Variants in EPHB1 observed in about 807,000 individuals in gnomAD.
EPHB1 encodes the protein ephrin type-B receptor 1.
A neutral mutation model predicts 94.4 loss-of-function variants in EPHB1; 30 were observed. The ratio of observed to expected loss-of-function variants is 0.32; its 90% confidence interval spans 0.24 to 0.43. EPHB1 has a LOEUF of 0.43. Ranked by LOEUF, EPHB1 falls within the 20% of genes least tolerant of loss-of-function variation. The pLI, the probability that EPHB1 is intolerant of heterozygous loss-of-function variation, is 1.00. For missense variants in EPHB1, 1,055 were observed against 1,308.3 expected, an observed-to-expected ratio of 0.81 and a Z score of 2.99; for synonymous variants, 522 against 489.1, an observed-to-expected ratio of 1.07 and a Z score of -0.89.
chr3:134,913,277 G>C (rs913164207), intron 1 of EPHB1, among the ~76,000 whole-genome samples: 1 of 152,188 alleles, frequency 6.6e-6, no homozygotes, highest in Non-Finnish European at 1.5e-5. Flanking sequence ...GGTGAGGGGG[G>C]AGCTCAGAGT....
intron 5 of EPHB1, among the ~76,000 whole-genome samples, chr3:135,142,771 G>A (rs932964441): frequency 6.6e-6 from 1 of 152,110 alleles, no homozygotes; most frequent in Non-Finnish European, 1.5e-5. Context: ...AGTGGACATT[G>A]AACTCACACA....
chr3:134,926,045 A>G (rs2038785390), intron 2 of EPHB1, among the ~76,000 whole-genome samples, 165 bp downstream of exon 2: 2 of 152,336 alleles, frequency 1.3e-5, no homozygotes, highest in African/African-American at 4.8e-5. Flanking sequence ...CAGGGGTCTC[A>G]GACCTGAGCT....
intron 12 of EPHB1, among the ~76,000 whole-genome samples, chr3:135,210,274 G>A (rs1426628200): frequency 6.6e-6 from 1 of 152,150 alleles, no homozygotes; most frequent in African/African-American, 2.4e-5. Flanking sequence ...TTGATACTTA[G>A]AAAATTCTGA....
At chr3:135,042,338 T>A (rs1434507596) in intron 3 of EPHB1, among the ~76,000 whole-genome samples, 1 of 152,206 alleles carries the variant, frequency 6.6e-6, no homozygotes, top group African/African-American at 2.4e-5. Flanking sequence ...TTCTCAACAC[T>A]GTTACATTGG....
Position 135,259,318 on chromosome 3 carries a change from T to C in EPHB1, c.*198T>C. The stretch of plus-strand genomic sequence containing the variant: ...TGACAGAAGCATGTTTGAGATGCCG[T>C]GGGAAACCAAATATATAATAATAAA... On this transcript the variant is annotated 3_prime_UTR_variant, in exon 16 of 16. Coordinates refer to ENST00000398015, the MANE Select transcript of EPHB1 (RefSeq NM_004441.5). 2.2e-6 allele frequency: 1 copy of C among 448,932 alleles called. No homozygotes were observed. The highest frequency in any genetic ancestry group is 4.0e-6 in the Non-Finnish European group (1 of 251,954). The allele number at this position is 448,932 out of a possible 1,614,324, so 27.8% of individuals were successfully genotyped here.
intron 5 of EPHB1, among the ~76,000 whole-genome samples, chr3:135,137,889 C>A (rs1002269033): frequency 1.3e-5 from 2 of 152,120 alleles, no homozygotes; most frequent in African/African-American, 2.4e-5. Flanking sequence ...AGATACATAA[C>A]AGATATTGGT....
intron 10 of EPHB1, among the ~76,000 whole-genome samples, chr3:135,183,906 G>T (rs896096373): frequency 6.6e-6 from 1 of 152,326 alleles, no homozygotes; most frequent in African/African-American, 2.4e-5. Context: ...GTGGGTGAAA[G>T]GACCAAGGTT....
intron 3 of EPHB1, among the ~76,000 whole-genome samples, chr3:135,027,660 A>T (rs1038168541): frequency 2.0e-5 from 3 of 151,670 alleles, no homozygotes; most frequent in African/African-American, 7.3e-5. Flanking sequence ...CATCAAGGAT[A>T]TTGGTGATAT....
intron 2 of EPHB1, among the ~76,000 whole-genome samples, chr3:134,934,126 C>T (rs1299388542): frequency 6.6e-6 from 1 of 152,138 alleles, no homozygotes; most frequent in Non-Finnish European, 1.5e-5. Context: ...GAAACATTAG[C>T]AGGCTCAAAA....
chr3:135,134,975 C>T (rs558742832), intron 5 of EPHB1, among the ~76,000 whole-genome samples: 1 of 152,266 alleles, frequency 6.6e-6, no homozygotes, highest in South Asian at 2.1e-4. Context: ...TGCAGTGGAG[C>T]TGGGGGACCA....
In EPHB1 at chr3:134,925,850, G is replaced by A; in HGVS notation, c.93G>A (p.Glu31=). The A allele has an allele frequency of 6.2e-7, 1 of 1,605,416 alleles. No homozygotes were observed. The highest frequency in any genetic ancestry group is 8.5e-7 in the Non-Finnish European group (1 of 1,175,812). The change falls in exon 2 of 16, where the codon GAG becomes GAA. Residue 31 remains glutamate, a synonymous_variant. Coordinates refer to ENST00000398015, the MANE Select transcript of EPHB1 (RefSeq NM_004441.5). ...TLMDTRTATA[E]LGWTANPASG... is the part of the protein sequence containing the mutation. ...TGGACACCAGAACGGCTACTGCAGA[G>A]CTGGGCTGGACGGCCAATCCTGCGT...
chr3:135,178,381 A>G (rs4575924), intron 9 of EPHB1, among the ~76,000 whole-genome samples: 63,728 of 148,048 alleles, frequency 0.43, 13,972 homozygotes, highest in East Asian at 0.71. Context: ...GCTTGAACCC[A>G]GGAGGTGAAG....
At chr3:134,853,554 A>G (rs2037039127) in intron 1 of EPHB1, among the ~76,000 whole-genome samples, 1 of 152,224 alleles carries the variant, frequency 6.6e-6, no homozygotes, top group Admixed American at 6.5e-5. Context: ...AGATTTGAAG[A>G]TTACCACTTT....
At chr3:134,834,985 A>C (rs2036646488) in intron 1 of EPHB1, among the ~76,000 whole-genome samples, 2 of 152,172 alleles carry the variant, frequency 1.3e-5, no homozygotes, top group Admixed American at 1.3e-4. Flanking sequence ...ATAAAAACAA[A>C]TGCTACTTCC....
intron 4 of EPHB1, among the ~76,000 whole-genome samples, chr3:135,123,527 A>G (rs942612856): frequency 2.0e-5 from 3 of 152,130 alleles, no homozygotes; most frequent in African/African-American, 7.2e-5. Context: ...AGTCAGAGCC[A>G]TGTCCACAGG....
chr3:135,208,880 G>T (rs1942966425), intron 12 of EPHB1, among the ~76,000 whole-genome samples: 1 of 152,114 alleles, frequency 6.6e-6, no homozygotes, highest in Non-Finnish European at 1.5e-5. Flanking sequence ...AAGCAACCAG[G>T]ACTCATTAGA....
chr3:134,905,630 C>T (rs2038306786), intron 1 of EPHB1, among the ~76,000 whole-genome samples: 1 of 152,178 alleles, frequency 6.6e-6, no homozygotes, highest in South Asian at 2.1e-4. Flanking sequence ...TTTACAAGGG[C>T]CAGTCAGTGT....
chr3:134,895,859 G>C (rs984196221), intron 1 of EPHB1, among the ~76,000 whole-genome samples: 5 of 152,178 alleles, frequency 3.3e-5, no homozygotes, highest in Non-Finnish European at 7.3e-5. Context: ...ATTGAAATGA[G>C]CATGGGTCCC....
At chr3:135,045,286 G>C (rs1936968717) in intron 3 of EPHB1, among the ~76,000 whole-genome samples, 1 of 152,080 alleles carries the variant, frequency 6.6e-6, no homozygotes, top group Non-Finnish European at 1.5e-5. Context: ...AAAAGAAAAA[G>C]AAAAAGAAAG....
Sources: allele counts gnomAD v4.1 joint callset (sites outside exome capture counted in the v4.1 genomes callset), GRCh38; gene constraint gnomAD v4.1.1; transcripts MANE v1.5; gene names NCBI Gene and HGNC (gene_info 2026-07-23, HGNC 2026-07-21).